Variants in PPP1R16B observed in about 807,000 individuals in gnomAD.
PPP1R16B encodes the protein protein phosphatase 1 regulatory inhibitor subunit 16B.
In PPP1R16B, 14 loss-of-function variants were observed where a neutral mutation model predicts 61.7. The ratio of observed to expected loss-of-function variants is 0.23; its 90% CI spans 0.15 to 0.35. The LOEUF is 0.35. Ranked by LOEUF, PPP1R16B falls within the 10% of genes least tolerant of loss-of-function variation. The pLI, the probability that PPP1R16B is intolerant of heterozygous loss-of-function variation, is 1.00. For missense variants in PPP1R16B, 547 were observed against 752.5 expected (o/e 0.73, Z 3.19); for synonymous variants, 266 against 305.3 (o/e 0.87, Z 1.34).
At chr20:38,829,700 G>A (rs532499267) in intron 1 of PPP1R16B, among the ~76,000 whole-genome samples, 156 of 152,348 alleles carry the variant, frequency 1.0e-3, no homozygotes, top group Non-Finnish European at 1.9e-3. Context: ...GCTGCCGTGG[G>A]CTGCCCCAGC....
At chr20:38,913,424 A>G (rs2085507933) in intron 10 of PPP1R16B, among the ~76,000 whole-genome samples, 1 of 151,688 alleles carries the variant, frequency 6.6e-6, no homozygotes, top group African/African-American at 2.4e-5. Flanking sequence ...CACCATGCCC[A>G]GCTAATTTTT....
In PPP1R16B at chr20:38,908,162, A is replaced by G. The variant is rs563328325; in HGVS notation, c.1163A>G (p.Glu388Gly). The change falls in exon 10 of 11, where the codon GAG (glutamate) becomes GGG (glycine). Residue 388 changes from glutamate (E) to glycine (G), a missense_variant. Glu to Gly is a moderately conservative substitution (Grantham distance 98). Transcript: ENST00000299824. ...RTSTYNGDIR[E>G]TRTDQENKDP... ...TCCACCTACAACGGGGACATCAGGGAGACCAGGACAGACCAAGAGAATAAG... is the reference window on the plus strand; with the variant it reads ...TCCACCTACAACGGGGACATCAGGGGGACCAGGACAGACCAAGAGAATAAG... 5 of 1,614,230 alleles carry G rather than the reference A, an allele frequency of 3.1e-6. No homozygotes were observed. The Admixed American group carries it at 5.0e-5, about 16-fold the overall frequency.
At chr20:38,895,785 C>T in intron 4 of PPP1R16B, 75 bp downstream of exon 4, 2 of 1,441,942 alleles carry the variant, frequency 1.4e-6, no homozygotes, top group Admixed American at 1.9e-5. Flanking sequence ...TTTCTCTCCT[C>T]CCTCCCTCCT....
chr20:38,914,303 G>A (rs2085515217), intron 10 of PPP1R16B, among the ~76,000 whole-genome samples: 1 of 152,164 alleles, frequency 6.6e-6, no homozygotes, highest in African/African-American at 2.4e-5. Flanking sequence ...CTAGGAAAAG[G>A]AGGGGTCGTC....
chr20:38,898,811 A>AAAC (rs145367321), intron 4 of PPP1R16B, among the ~76,000 whole-genome samples: 4,788 of 150,204 alleles, frequency 0.032, 80 homozygotes, highest in Non-Finnish European at 0.043. Flanking sequence ...CCTTGTTTCA[A>AAAC]AACAACAACA....
chr20:38,906,296 T>TTG lies in PPP1R16B; in HGVS notation c.822+203_822+204insGT, dbSNP rs1555809087. Among the ~76,000 whole-genome samples the TTG allele has an allele frequency of 4.4e-4, 56 of 126,102 alleles. 1 individual carries two copies. In the East Asian group the frequency reaches 5.7e-3, roughly 13 times the overall value. 82.7% of individuals were successfully genotyped at this position (126,102 alleles called of 152,430 possible). On this transcript the variant is annotated intron_variant, in intron 7 of 10. Coordinates refer to ENST00000299824, the MANE Select transcript of PPP1R16B (RefSeq NM_015568.4). ...AAAGCAAGTTGTGTTTTTTTTTTTT[T>TTG]TTTTTTTTTTTTTTTGAGATGGAGT...
chr20:38,874,538 A>T (rs1030945795), intron 2 of PPP1R16B, among the ~76,000 whole-genome samples: 1 of 152,220 alleles, frequency 6.6e-6, no homozygotes, highest in Non-Finnish European at 1.5e-5. Context: ...GTGTGTCTTC[A>T]TACCAGGTGC....
chr20:38,879,982 T>A (rs1161375482), intron 2 of PPP1R16B, among the ~76,000 whole-genome samples: 1 of 151,568 alleles, frequency 6.6e-6, no homozygotes, highest in Non-Finnish European at 1.5e-5. Flanking sequence ...GGGAATGCTC[T>A]TGTCCAAAGG....
intron 3 of PPP1R16B, among the ~76,000 whole-genome samples, chr20:38,894,324 T>A (rs543885208): frequency 3.2e-4 from 49 of 152,230 alleles, no homozygotes; most frequent in Non-Finnish European, 6.8e-4. Flanking sequence ...CCACGGCCGC[T>A]CCTGCTCCTT....
rs370692015 is a variant in PPP1R16B, at chr20:38,814,450, T to G, written c.-102+8658T>G. ...CCTTGAGTAAGTTACATGTGTGTAT[T>G]TGCTGAGCCACAATTTCCCCATATG... On this transcript the variant is annotated intron_variant, in intron 1 of 10. Transcript: ENST00000299824. Among the ~76,000 whole-genome samples, 10 of 152,268 alleles carry G rather than the reference T, an allele frequency of 6.6e-5. No homozygotes were observed. In the South Asian group the frequency reaches 1.9e-3, roughly 28 times the overall value.
intron 2 of PPP1R16B, among the ~76,000 whole-genome samples, chr20:38,874,527 C>G (rs558595373): frequency 6.6e-6 from 1 of 152,142 alleles, no homozygotes; most frequent in Non-Finnish European, 1.5e-5. Context: ...AACCACTACA[C>G]GTGTGTCTTC....
At chr20:38,898,958 C>T (rs2085370850) in intron 4 of PPP1R16B, among the ~76,000 whole-genome samples, 1 of 152,140 alleles carries the variant, frequency 6.6e-6, no homozygotes, top group Non-Finnish European at 1.5e-5. Flanking sequence ...ATGCAGAAGT[C>T]CTGGGGAGCC....
intron 3 of PPP1R16B, among the ~76,000 whole-genome samples, chr20:38,891,177 A>G (rs1443261379): frequency 6.6e-6 from 1 of 152,152 alleles, no homozygotes; most frequent in Non-Finnish European, 1.5e-5. Context: ...GCTACCTCCT[A>G]CTGCGTGCCA....
chr20:38,846,908 G>A (rs973740798), intron 2 of PPP1R16B, among the ~76,000 whole-genome samples: 6 of 152,198 alleles, frequency 3.9e-5, no homozygotes, highest in Admixed American at 3.9e-4. Context: ...GCGGGGTGGA[G>A]GTGGGAGGAA....
At chr20:38,855,976 A>AAG (rs1387243533) in intron 2 of PPP1R16B, among the ~76,000 whole-genome samples, 1,019 of 25,590 alleles carry the variant, frequency 0.04, 125 homozygotes, top group East Asian at 0.052. Context: ...AGAGAGAGAG[A>AAG]GAGAGAAGGA....
At chr20:38,856,993 A>G (rs1315004880) in intron 2 of PPP1R16B, among the ~76,000 whole-genome samples, 1 of 152,210 alleles carries the variant, frequency 6.6e-6, no homozygotes, top group African/African-American at 2.4e-5. Flanking sequence ...AAGGAGCCTC[A>G]GAAACAATTC....
intron 1 of PPP1R16B, among the ~76,000 whole-genome samples, chr20:38,807,890 G>T (rs1288540030): frequency 2.0e-5 from 3 of 151,854 alleles, no homozygotes; most frequent in South Asian, 4.2e-4. Flanking sequence ...CAAGGGCCCC[G>T]TGCCATCTGT....
intron 4 of PPP1R16B, among the ~76,000 whole-genome samples, chr20:38,899,945 C>T (rs2085378813): frequency 1.3e-5 from 2 of 152,000 alleles, no homozygotes; most frequent in South Asian, 4.1e-4. Flanking sequence ...TATAGGCTCC[C>T]ACACCACGCC....
intron 1 of PPP1R16B, among the ~76,000 whole-genome samples, chr20:38,817,815 C>T (rs1469102216): frequency 3.3e-5 from 5 of 152,046 alleles, no homozygotes; most frequent in South Asian, 2.1e-4. Flanking sequence ...GAGGCCGAGG[C>T]GGGCGGATCA....
Sources: allele counts gnomAD v4.1 joint callset (sites outside exome capture counted in the v4.1 genomes callset), GRCh38; gene constraint gnomAD v4.1.1; transcripts MANE v1.5; gene names NCBI Gene and HGNC (gene_info 2026-07-23, HGNC 2026-07-21).